The following HMGA2 variants were observed in gnomAD, a reference collection of about 807,000 sequenced individuals.
The protein encoded by HMGA2 is high mobility group protein HMGI-C.
A neutral mutation model predicts 19.1 loss-of-function variants in HMGA2; 8 were observed. The observed-to-expected ratio is 0.42, with a 90% CI of 0.25 to 0.76. The LOEUF (loss-of-function observed/expected upper bound fraction) is 0.76, where lower values mean the gene tolerates loss of function less well. Ranked by LOEUF, HMGA2 falls within the 30% of genes least tolerant of loss-of-function variation. The pLI, the probability that HMGA2 is intolerant of heterozygous loss-of-function variation, is 0.28. For synonymous variants in HMGA2, 60 were observed against 48.8 expected (o/e 1.23, Z -0.96); for missense variants, 109 against 136.3 (o/e 0.80, Z 1.00).
At chr12:65,834,594 T>TCCTC (rs1046425792) in intron 2 of HMGA2, among the ~76,000 whole-genome samples, 2 of 135,154 alleles carry the variant, frequency 1.5e-5, no homozygotes, top group Non-Finnish European at 3.2e-5. Flanking sequence ...CTTCCTCCCT[T>TCCTC]CCTCCCTCCC....
rs1336684179 is a variant in HMGA2 at position 65,963,265 on chromosome 12, C to T, written c.303C>T (p.Ser101=). ...KPAQEETEET[S]SQESAEED The stretch of plus-strand genomic sequence containing the variant: ...TCCAGGAGGAAACTGAAGAGACATC[C>T]TCACAAGAGTCTGCCGAAGAGGACT... The change falls in exon 5 of 5, where the codon TCC becomes TCT. Residue 101 remains serine (S), a synonymous_variant. Transcript: ENST00000403681. 15 of 1,613,590 alleles carry T rather than the reference C, an allele frequency of 9.3e-6. No homozygotes were observed. In the African/African-American group the frequency reaches 1.5e-4, roughly 16 times the overall value.
chr12:65,861,946 G>A (rs1872107475), intron 3 of HMGA2, among the ~76,000 whole-genome samples: 1 of 151,468 alleles, frequency 6.6e-6, no homozygotes, highest in African/African-American at 2.4e-5. Context: ...CCCAGTTCAA[G>A]CGATTCTCCT....
intron 3 of HMGA2, among the ~76,000 whole-genome samples, chr12:65,864,713 A>T (rs1472364341): frequency 2.6e-5 from 4 of 152,324 alleles, no homozygotes; most frequent in Admixed American, 2.0e-4. Flanking sequence ...TAACACACAT[A>T]GTAGCTTTTC....
intron 3 of HMGA2, among the ~76,000 whole-genome samples, chr12:65,848,862 C>CAA (rs576419701): frequency 7.3e-6 from 1 of 137,214 alleles, no homozygotes; most frequent in African/African-American, 2.7e-5. Context: ...GACTCCGTCT[C>CAA]AAAAAAAAAA....
chr12:65,844,086 A>G (rs574122748), intron 3 of HMGA2, among the ~76,000 whole-genome samples: 65 of 152,046 alleles, frequency 4.3e-4, no homozygotes, highest in African/African-American at 1.6e-3. Flanking sequence ...TATAACTGCA[A>G]TGTTTAGAAA....
At chr12:65,957,644 C>A (rs1232824433) in intron 4 of HMGA2, 1 of 152,116 alleles carries the variant, frequency 6.6e-6, no homozygotes, top group Non-Finnish European at 1.5e-5. Context: ...CTGAAACTTG[C>A]AATTAGTTTA....
intron 3 of HMGA2, among the ~76,000 whole-genome samples, chr12:65,871,916 T>G (rs1250053787): frequency 6.6e-6 from 1 of 152,232 alleles, no homozygotes; most frequent in Non-Finnish European, 1.5e-5. Flanking sequence ...AAATAACCAA[T>G]TGCCTTCTGT....
intron 3 of HMGA2, among the ~76,000 whole-genome samples, chr12:65,930,800 C>G (rs1272339770): frequency 6.6e-6 from 1 of 152,092 alleles, no homozygotes; most frequent in Non-Finnish European, 1.5e-5. Flanking sequence ...TTAAATAAAA[C>G]AATCGATATC....
At chr12:65,930,048 G>T (rs1404558147) in intron 3 of HMGA2, among the ~76,000 whole-genome samples, 1 of 152,166 alleles carries the variant, frequency 6.6e-6, no homozygotes, top group East Asian at 1.9e-4. Context: ...CTCAAGAAAA[G>T]CTGCCTATTT....
chr12:65,960,041 C>T (rs1035578025), intron 4 of HMGA2, among the ~76,000 whole-genome samples: 15 of 152,176 alleles, frequency 9.9e-5, no homozygotes, highest in Non-Finnish European at 7.3e-5. Context: ...AGGTGCCCGC[C>T]ACCACGCCTG....
chr12:65,859,909 C>T lies in HMGA2; in HGVS notation c.249+21340C>T, dbSNP rs1871958740. On this transcript the variant is annotated intron_variant, in intron 3 of 4. Transcript: ENST00000403681. Reference sequence around the variant, plus strand: ...GACCAGCCTGGGCAATATAGTAATGCCCCATCTCTAAAAAAAAAAAAAAAA... The same window carrying T: ...GACCAGCCTGGGCAATATAGTAATGTCCCATCTCTAAAAAAAAAAAAAAAA... 1.9e-5 allele frequency: 5 copies of T among 262,294 alleles called. No homozygotes were observed. In the South Asian group the frequency reaches 1.9e-4, roughly 10 times the overall value. 16.2% of individuals were successfully genotyped at this position (262,294 alleles called of 1,614,324 possible). A position where few individuals can be genotyped will look rare whatever the true frequency, so the allele number is the denominator to read the frequency against.
At chr12:65,856,187 T>TGGA (rs1478460955) in intron 3 of HMGA2, 2 of 152,180 alleles carry the variant, frequency 1.3e-5, no homozygotes, top group African/African-American at 4.8e-5. Context: ...TTGAGGCAAA[T>TGGA]GGAAGACTGC....
rs74097837 is a variant in HMGA2, at chr12:65,957,688, C to G, written c.283-5557C>G. 2.5e-3 allele frequency: 375 copies of G among 152,186 alleles called. 3 individuals carry two copies. The highest frequency in any genetic ancestry group is 8.4e-3 in the African/African-American group (350 of 41,522). The allele number at this position is 152,186 out of a possible 1,614,324, so 9.4% of individuals were successfully genotyped here. On this transcript the variant is annotated intron_variant, in intron 4 of 4. Transcript: ENST00000403681. The stretch of plus-strand genomic sequence containing the variant: ...ATGATTTCCCTATTTGAAAAATGTG[C>G]CTACCATTTCCAGATTTTAAAAAAA...
In HMGA2 at chr12:65,951,374, C is replaced by A; in HGVS notation, c.250-9C>A. ...CTTTTAAAATATATCTTTTTCTTTTCCTCCTTAGCCACAACAAGTTGTTCA... is the reference window on the plus strand; with the variant it reads ...CTTTTAAAATATATCTTTTTCTTTTACTCCTTAGCCACAACAAGTTGTTCA... On this transcript the variant is annotated splice_polypyrimidine_tract_variant and intron_variant, in intron 3 of 4. Coordinates refer to ENST00000403681, the MANE Select transcript of HMGA2 (RefSeq NM_003483.6). The A allele has an allele frequency of 6.7e-7, 1 of 1,500,734 alleles. No homozygotes were observed. Among genetic ancestry groups the A allele is most frequent in the Non-Finnish European group, 9.0e-7 (1 of 1,115,202 alleles). The allele number at this position is 1,500,734 out of a possible 1,614,324, so 93.0% of individuals were successfully genotyped here.
intron 3 of HMGA2, among the ~76,000 whole-genome samples, chr12:65,898,031 A>G (rs1039077864): frequency 6.6e-6 from 1 of 151,552 alleles, no homozygotes; most frequent in East Asian, 1.9e-4. Flanking sequence ...TCGTGTTTCC[A>G]CCAGCCACTG....
chr12:65,888,724 C>T (rs369436803), intron 3 of HMGA2, among the ~76,000 whole-genome samples: 5 of 151,266 alleles, frequency 3.3e-5, no homozygotes, highest in South Asian at 4.2e-4. Context: ...CCACCACGCC[C>T]GGCTAACTTT....
At chr12:65,828,245 AC>A (rs1870308050) in intron 2 of HMGA2, 158 bp downstream of exon 2, 1 of 663,810 alleles carries the variant, frequency 1.5e-6, no homozygotes. Flanking sequence ...ATGCGAGTTA[AC>A]CTTTTTTGTA....
intron 2 of HMGA2, among the ~76,000 whole-genome samples, chr12:65,835,983 G>A (rs1192646572): frequency 3.3e-5 from 5 of 152,180 alleles, no homozygotes; most frequent in African/African-American, 1.2e-4. Context: ...CCACACTCAT[G>A]TATAACTCAC....
intron 3 of HMGA2, among the ~76,000 whole-genome samples, chr12:65,948,755 C>T (rs191644687): frequency 2.0e-5 from 3 of 152,226 alleles, no homozygotes; most frequent in Non-Finnish European, 4.4e-5. Context: ...CGGACTAGGC[C>T]GGGAGCCAGG....
Sources: gnomAD v4.1 joint callset for allele counts (sites outside exome capture counted in the v4.1 genomes callset) on GRCh38, gnomAD v4.1.1 for gene constraint, MANE v1.5 for transcripts, NCBI Gene and HGNC (gene_info 2026-07-23, HGNC 2026-07-21) for gene names.